FGF13: variants seen among roughly 807,000 people sequenced by gnomAD.
The protein encoded by FGF13 is fibroblast growth factor 13.
Under a neutral mutation model 19.5 loss-of-function variants are expected in FGF13, and 2 were observed. The observed-to-expected ratio is 0.10, with a 90% CI of 0.04 to 0.32. The LOEUF is 0.32. FGF13 is among the 10% of genes least tolerant of loss of function. FGF13 has a pLI of 1.00. For synonymous variants in FGF13, 72 were observed against 76.9 expected (o/e 0.94, Z 0.33); for missense variants, 113 against 192.7 (o/e 0.59, Z 2.45).
intron 1 of FGF13, among the ~76,000 whole-genome samples, chrX:138,930,061 C>T (rs1489331779): frequency 8.9e-6 from 1 of 111,806 alleles, no homozygotes; most frequent in South Asian, 3.7e-4. Flanking sequence ...CAAAAGTCCT[C>T]AAGTCAGTCT....
intron 1 of FGF13, among the ~76,000 whole-genome samples, chrX:138,882,175 C>A (rs956569247): frequency 1.8e-5 from 2 of 110,434 alleles, no homozygotes; most frequent in Non-Finnish European, 3.8e-5. Context: ...GTTCAAAATT[C>A]CTGAATTTTC....
chrX:139,144,220 C>CT (rs2083868964), intron 1 of FGF13, among the ~76,000 whole-genome samples: 1 of 111,659 alleles, frequency 9.0e-6, no homozygotes, highest in South Asian at 3.8e-4. Context: ...CCTGAACCCC[C>CT]TCCTGGCCTG....
intron 1 of FGF13, among the ~76,000 whole-genome samples, chrX:139,098,484 A>G (rs773862615): frequency 6.3e-5 from 7 of 111,726 alleles, no homozygotes; most frequent in African/African-American, 1.3e-4. Context: ...ATGCCCTTCA[A>G]TGGTGGATTG....
At chrX:138,790,935 G>A (rs753563924) in intron 3 of FGF13, among the ~76,000 whole-genome samples, 6 of 111,976 alleles carry the variant, frequency 5.4e-5, no homozygotes, top group Admixed American at 3.8e-4. Flanking sequence ...TTCCTTATCT[G>A]TGAGTTCCAT....
chrX:138,807,834 A>G (rs2090883669), intron 3 of FGF13, among the ~76,000 whole-genome samples: 1 of 111,973 alleles, frequency 8.9e-6, no homozygotes, highest in South Asian at 3.7e-4. Context: ...ACAAAGATCA[A>G]AAGAGACAAA....
intron 1 of FGF13, among the ~76,000 whole-genome samples, chrX:139,060,498 C>A (rs2092333224): frequency 2.7e-5 from 3 of 111,572 alleles, no homozygotes; most frequent in South Asian, 3.7e-4. Context: ...TTTGTCATTC[C>A]ATTTAACAAA....
At chrX:139,148,499 A>G (rs1253263765) in intron 1 of FGF13, among the ~76,000 whole-genome samples, 1 of 110,511 alleles carries the variant, frequency 9.0e-6, no homozygotes, top group Non-Finnish European at 1.9e-5. Flanking sequence ...TAAAAGGGAA[A>G]GAATGACTGA....
chrX:138,892,000 A>ATG (rs200883636), intron 1 of FGF13, among the ~76,000 whole-genome samples: 8 of 46,949 alleles, frequency 1.7e-4, no homozygotes, highest in East Asian at 8.3e-4. Context: ...CTATATATAC[A>ATG]TATGTGTGTG....
intron 1 of FGF13, among the ~76,000 whole-genome samples, chrX:138,872,030 G>T (rs2091360243): frequency 8.9e-6 from 1 of 111,947 alleles, no homozygotes; most frequent in Admixed American, 9.5e-5. Flanking sequence ...AGGGAGACTG[G>T]TTAGGAGGCT....
In FGF13 at chrX:138,634,332, C is replaced by T. The variant is rs17539031; in HGVS notation, c.601+1125G>A. On this transcript the variant is annotated intron_variant, in intron 4 of 4. Transcript: ENST00000315930. The stretch of plus-strand genomic sequence containing the variant: ...GACCTCGTGATCCGCCCGCCTCGGC[C>T]TCCCCAAAGTGCTGGGATTACAGGC... 4.3e-3 allele frequency among the ~76,000 whole-genome samples: 479 copies of T among 112,323 alleles called. 5 individuals carry two copies. Among genetic ancestry groups the T allele is most frequent in the African/African-American group, 0.015 (460 of 30,881 alleles).
chrX:139,127,115 G>A (rs1235282156), intron 1 of FGF13, among the ~76,000 whole-genome samples: 1 of 111,561 alleles, frequency 9.0e-6, no homozygotes, highest in Non-Finnish European at 1.9e-5. Flanking sequence ...CCATACCCAG[G>A]TGTTACTACA....
chrX:138,706,036 AC>A (rs1390233515), intron 2 of FGF13, among the ~76,000 whole-genome samples: 5 of 112,443 alleles, frequency 4.4e-5, no homozygotes, highest in Non-Finnish European at 9.4e-5. Flanking sequence ...AGAGCCATGT[AC>A]CTAGTTGGCA....
chrX:138,806,632 T>C (rs752941137), intron 3 of FGF13: 1 of 112,092 alleles, frequency 8.9e-6, no homozygotes, highest in African/African-American at 3.2e-5. Context: ...GTGGTCTCTA[T>C]AAAACGCCTC....
chrX:138,723,358 G>A (rs1469029338), intron 1 of FGF13, among the ~76,000 whole-genome samples: 1 of 111,679 alleles, frequency 9.0e-6, no homozygotes, highest in Admixed American at 9.5e-5. Context: ...TCCTATTTAT[G>A]GTCATTGCAG....
At chrX:139,070,051 C>G (rs1322536107) in intron 1 of FGF13, among the ~76,000 whole-genome samples, 1 of 111,705 alleles carries the variant, frequency 9.0e-6, no homozygotes, top group African/African-American at 3.3e-5. Flanking sequence ...TAGGCAATAC[C>G]ATTCAGGACA....
At chrX:139,107,949 G>T (rs931484157) in intron 1 of FGF13, among the ~76,000 whole-genome samples, 1 of 111,129 alleles carries the variant, frequency 9.0e-6, no homozygotes, top group Non-Finnish European at 1.9e-5. Context: ...TCCATATCAG[G>T]CTTCAGTTTT....
intron 3 of FGF13, among the ~76,000 whole-genome samples, chrX:138,843,809 A>G (rs2091164920): frequency 8.9e-6 from 1 of 111,890 alleles, no homozygotes; most frequent in Non-Finnish European, 1.9e-5. Flanking sequence ...AATCCCAAAA[A>G]CACATAGCCT....
rs376941316 is a variant in FGF13 at position 138,790,525 on chromosome X, C to T, written c.217+66987G>A. ...TAGCCTATCCATCACCTGGTCCTGG[C>T]GAACCCACCTCAGAAATGATTCCCA... On this transcript the variant is annotated intron_variant, in intron 3 of 6. Coordinates refer to the FGF13 transcript ENST00000436198. Among the ~76,000 whole-genome samples the T allele has an allele frequency of 1.2e-4, 13 of 110,922 alleles. No homozygotes were observed. In the East Asian group the frequency reaches 3.5e-3, roughly 30 times the overall value.
At chrX:138,726,477 T>C (rs1331619241) in intron 1 of FGF13, among the ~76,000 whole-genome samples, 4 of 112,730 alleles carry the variant, frequency 3.5e-5, no homozygotes, top group Non-Finnish European at 5.6e-5. Flanking sequence ...GGTTAATATT[T>C]GTAAAGAGTT....
Sources: allele counts gnomAD v4.1 joint callset (sites outside exome capture counted in the v4.1 genomes callset), GRCh38; gene constraint gnomAD v4.1.1; transcripts MANE v1.5; gene names NCBI Gene and HGNC (gene_info 2026-07-23, HGNC 2026-07-21).